ABHD17B: variants seen among roughly 807,000 people sequenced by gnomAD.
The protein encoded by ABHD17B is alpha/beta hydrolase domain-containing protein 17B.
Under a neutral mutation model 26.2 loss-of-function variants are expected in ABHD17B, and 9 were observed. The ratio of observed to expected loss-of-function variants is 0.34; its 90% CI spans 0.21 to 0.60. The LOEUF (loss-of-function observed/expected upper bound fraction) is 0.60. Ranked by LOEUF, ABHD17B falls within the 20% of genes least tolerant of loss-of-function variation. The pLI is 0.80. For missense variants in ABHD17B, 224 were observed against 352.1 expected, an observed-to-expected ratio of 0.64 and a Z score of 2.91; for synonymous variants, 127 against 122.3, an observed-to-expected ratio of 1.04 and a Z score of -0.25.
intron 2 of ABHD17B, among the ~76,000 whole-genome samples, chr9:71,872,714 C>T (rs1012312038): frequency 6.6e-6 from 1 of 152,062 alleles, no homozygotes; most frequent in Non-Finnish European, 1.5e-5. Flanking sequence ...CTGACTGACT[C>T]TAAAAAGTGG....
At chr9:71,909,205 G>A (rs1827372079) in intron 1 of ABHD17B, among the ~76,000 whole-genome samples, 1 of 152,150 alleles carries the variant, frequency 6.6e-6, no homozygotes, top group African/African-American at 2.4e-5. Context: ...TCCTGTCCTT[G>A]CCAATTAACC....
chr9:71,866,186 A>T lies in ABHD17B; in HGVS notation c.*601T>A. On this transcript the variant is annotated 3_prime_UTR_variant, in exon 4 of 4. Coordinates refer to ENST00000333421, the MANE Select transcript of ABHD17B (RefSeq NM_001025780.3). ...TGGTAAATTAATAGATGGCATAAAA[A>T]TTAAGATTTACATCTTTTTTAAAGG... The T allele has an allele frequency of 1.0e-6, 1 of 982,752 alleles. No homozygotes were observed. Among genetic ancestry groups the T allele is most frequent in the African/African-American group, 1.7e-5 (1 of 57,278 alleles). The allele number at this position is 982,752 out of a possible 1,614,324, so 60.9% of individuals were successfully genotyped here. A position where few individuals can be genotyped will look rare whatever the true frequency, so the allele number is the denominator to read the frequency against.
At chr9:71,901,775 T>C (rs768789632) in intron 1 of ABHD17B, among the ~76,000 whole-genome samples, 1 of 152,182 alleles carries the variant, frequency 6.6e-6, no homozygotes, top group Non-Finnish European at 1.5e-5. Flanking sequence ...CTTAGCCACA[T>C]TTTTAGCTCA....
At chr9:71,904,533 A>G (rs904004571) in intron 1 of ABHD17B, among the ~76,000 whole-genome samples, 2 of 152,220 alleles carry the variant, frequency 1.3e-5, no homozygotes, top group Non-Finnish European at 2.9e-5. Flanking sequence ...TTAAAATCCT[A>G]GCCATAATAA....
chr9:71,866,583 A>G lies in ABHD17B; in HGVS notation c.*204T>C, dbSNP rs1344888038. The G allele has an allele frequency of 7.3e-7, 1 of 1,377,390 alleles. No individual in the cohort carries two copies. Among genetic ancestry groups the G allele is most frequent in the African/African-American group, 1.4e-5 (1 of 69,038 alleles). 85.3% of individuals were successfully genotyped at this position (1,377,390 alleles called of 1,614,324 possible). ...AATTCACAGAAAAAATATAAATTAC[A>G]CAGCCTGACTGCACGGTACTGTTAT... is the stretch of plus-strand genomic sequence containing the variant. On this transcript the variant is annotated 3_prime_UTR_variant, in exon 4 of 4. Coordinates refer to ENST00000333421, the MANE Select transcript of ABHD17B (RefSeq NM_001025780.3).
chr9:71,895,883 T>C (rs1475193592), intron 1 of ABHD17B, among the ~76,000 whole-genome samples: 2 of 152,140 alleles, frequency 1.3e-5, no homozygotes, highest in Non-Finnish European at 2.9e-5. Context: ...GAGCTGTGGT[T>C]CATGGAAAAC....
intron 1 of ABHD17B, among the ~76,000 whole-genome samples, chr9:71,890,798 T>C (rs1218982605): frequency 6.6e-6 from 1 of 152,230 alleles, no homozygotes; most frequent in East Asian, 1.9e-4. Flanking sequence ...ATTTAACATA[T>C]TCCAATTTAT....
At chr9:71,868,711 C>T (rs1219530986) in intron 3 of ABHD17B, among the ~76,000 whole-genome samples, 2 of 152,108 alleles carry the variant, frequency 1.3e-5, no homozygotes, top group Non-Finnish European at 2.9e-5. Flanking sequence ...TTTTTTGAGA[C>T]AGGGTCTCGC....
chr9:71,892,309 A>G (rs187629562), intron 1 of ABHD17B, among the ~76,000 whole-genome samples: 112 of 152,120 alleles, frequency 7.4e-4, no homozygotes, highest in African/African-American at 2.3e-3. Flanking sequence ...GAGGTGGGCG[A>G]ATCACGAGGT....
intron 1 of ABHD17B, among the ~76,000 whole-genome samples, chr9:71,887,768 G>A (rs1234781094): frequency 1.3e-5 from 2 of 152,142 alleles, no homozygotes; most frequent in Admixed American, 6.5e-5. Flanking sequence ...GTACATATAC[G>A]TAAATCTCAT....
Position 71,893,817 on chromosome 9 carries a change from C to T in ABHD17B, c.-4+16817G>A, listed in dbSNP as rs146061850. On this transcript the variant is annotated intron_variant, in intron 1 of 3. Coordinates refer to ENST00000333421, the MANE Select transcript of ABHD17B (RefSeq NM_001025780.3). ...ACAAAGATACTTCACTGGCCGGGCG[C>T]GGTGGCTCACGCCTGTAATCCCAGC... is the stretch of plus-strand genomic sequence containing the variant. Among the ~76,000 whole-genome samples the T allele has an allele frequency of 9.6e-4, 146 of 152,242 alleles. 1 individual carries two copies. The highest frequency in any genetic ancestry group is 3.4e-3 in the African/African-American group (141 of 41,540).
In ABHD17B at chr9:71,865,923, A is replaced by G; in HGVS notation, c.*864T>C. 1.0e-6 allele frequency: 1 copy of G among 985,426 alleles called. No homozygotes were observed. Among genetic ancestry groups the G allele is most frequent in the Non-Finnish European group, 1.2e-6 (1 of 829,910 alleles). The allele number at this position is 985,426 out of a possible 1,614,324, so 61.0% of individuals were successfully genotyped here. A position where few individuals can be genotyped will look rare whatever the true frequency, so the allele number is the denominator to read the frequency against. ...GATAGCCAGTCTGTTAGTGGTCTTT[A>G]AGATCAACTCATGGACTTTCGGGAT... On this transcript the variant is annotated 3_prime_UTR_variant, in exon 4 of 4. Transcript: ENST00000333421.
rs1302934324 is a variant in ABHD17B, at chr9:71,908,399, A to G, written c.-4+2235T>C. On this transcript the variant is annotated intron_variant, in intron 1 of 3. Coordinates refer to ENST00000333421, the MANE Select transcript of ABHD17B (RefSeq NM_001025780.3). ...AAGAGCAAAACTCCGTCTCAAAAAA[A>G]AAAAAAAAAAAAAAGGCCACAAACT... Among the ~76,000 whole-genome samples, 3 of 151,490 alleles carry G rather than the reference A, an allele frequency of 2.0e-5. No homozygotes were observed. In the East Asian group the frequency reaches 5.8e-4, roughly 29 times the overall value.
chr9:71,897,346 T>C (rs1428038025), intron 1 of ABHD17B, among the ~76,000 whole-genome samples: 2 of 151,968 alleles, frequency 1.3e-5, no homozygotes, highest in East Asian at 3.9e-4. Context: ...TTGGGCAACA[T>C]AGTGTGTACA....
At position 71,866,618 on chromosome 9, in the gene ABHD17B, T is replaced by C; in HGVS notation, c.*169A>G. 7.0e-7 allele frequency: 1 copy of C among 1,436,660 alleles called. No homozygotes were observed. The highest frequency in any genetic ancestry group is 2.5e-5 in the East Asian group (1 of 39,964). The allele number at this position is 1,436,660 out of a possible 1,614,324, so 89.0% of individuals were successfully genotyped here. A position where few individuals can be genotyped will look rare whatever the true frequency, so the allele number is the denominator to read the frequency against. ...TGCACGGTACTGTTATTTCCAGTTTTTAGTTCTGGTAATTAAAACCTTCAT... is the reference window on the plus strand; with the variant it reads ...TGCACGGTACTGTTATTTCCAGTTTCTAGTTCTGGTAATTAAAACCTTCAT... On this transcript the variant is annotated 3_prime_UTR_variant, in exon 4 of 4. Coordinates refer to ENST00000333421, the MANE Select transcript of ABHD17B (RefSeq NM_001025780.3).
At chr9:71,867,152 G>A in intron 3 of ABHD17B, 146 bp from the exon 4 acceptor site, 1 of 1,060,874 alleles carries the variant, frequency 9.4e-7, no homozygotes, top group Non-Finnish European at 1.3e-6. Flanking sequence ...TTTCCAGTAA[G>A]ATTCAAAAAT....
intron 1 of ABHD17B, among the ~76,000 whole-genome samples, chr9:71,896,736 G>A (rs1826970207): frequency 6.6e-6 from 1 of 151,968 alleles, no homozygotes; most frequent in African/African-American, 2.4e-5. Flanking sequence ...AGACATAGGA[G>A]TGTCCCTCTC....
chr9:71,893,517 T>G (rs1038394244), intron 1 of ABHD17B, among the ~76,000 whole-genome samples: 7 of 152,182 alleles, frequency 4.6e-5, no homozygotes, highest in Non-Finnish European at 8.8e-5. Context: ...GGGCAAGGCA[T>G]GTAGGAAGGG....
intron 1 of ABHD17B, among the ~76,000 whole-genome samples, chr9:71,897,725 T>C (rs915968916): frequency 3.9e-5 from 6 of 152,222 alleles, no homozygotes; most frequent in Admixed American, 2.0e-4. Context: ...TGTTGTAACA[T>C]GTCAGTCAAT....
Sources: gnomAD v4.1 joint callset for allele counts (sites outside exome capture counted in the v4.1 genomes callset) on GRCh38, gnomAD v4.1.1 for gene constraint, MANE v1.5 for transcripts, NCBI Gene and HGNC (gene_info 2026-07-23, HGNC 2026-07-21) for gene names.